Variants in AFF3 observed in about 807,000 individuals in gnomAD.
AFF3 encodes ALF transcription elongation factor 3, also known as AF4/FMR2 family member 3.
A neutral mutation model predicts 129.7 loss-of-function variants in AFF3; 32 were observed. The observed-to-expected ratio is 0.25, with a 90% CI of 0.19 to 0.33. The LOEUF (loss-of-function observed/expected upper bound fraction) is 0.33, where lower values mean the gene tolerates loss of function less well. AFF3 is among the 10% of genes least tolerant of loss of function. The probability of loss-of-function intolerance (pLI) is 1.00; values close to 1 mark genes in which losing one functional copy is unlikely to be tolerated. For missense variants in AFF3, 1,373 were observed against 1,592.0 expected (o/e 0.86, Z 2.34); for synonymous variants, 644 against 635.4 (o/e 1.01, Z -0.20).
chr2:99,986,065 G>A (rs1433530637), intron 7 of AFF3, among the ~76,000 whole-genome samples: 1 of 151,804 alleles, frequency 6.6e-6, no homozygotes, highest in Non-Finnish European at 1.5e-5. Flanking sequence ...GTCAGGCGTG[G>A]TGGTGGGTGC....
intron 4 of AFF3, among the ~76,000 whole-genome samples, chr2:100,019,886 C>G (rs919240680): frequency 6.6e-6 from 1 of 152,166 alleles, no homozygotes; most frequent in Admixed American, 6.5e-5. Context: ...AGGCCTATCC[C>G]CCCAACCCCA....
At chr2:99,630,871 G>A (rs1389814703) in intron 13 of AFF3, 1 of 268,546 alleles carries the variant, frequency 3.7e-6, no homozygotes, top group Non-Finnish European at 8.2e-6. Context: ...GATTTGGGTG[G>A]TGACACAGAG....
In AFF3 at chr2:99,587,235, C is replaced by G; in HGVS notation, c.2510G>C (p.Gly837Ala). 1 of 1,614,172 alleles carries G rather than the reference C, an allele frequency of 6.2e-7. No homozygotes were observed. Among genetic ancestry groups the G allele is most frequent in the Non-Finnish European group, 8.5e-7 (1 of 1,180,020 alleles). The change falls in exon 16 of 25, where the codon GGA (glycine) becomes GCA (alanine). Residue 837 changes from glycine (G) to alanine (A), a missense_variant. Transcript: ENST00000672756. ...DDYREIKKSQ[G>A]EKDSSSRLAT... ...CAGTCTTGAAGAGCTGTCTTTCTCTCCCTGGGACTTCTTGATCTCCCTGTA... is the reference window on the plus strand; with the variant it reads ...CAGTCTTGAAGAGCTGTCTTTCTCTGCCTGGGACTTCTTGATCTCCCTGTA...
At chr2:99,616,254 GC>G (rs1201590685) in intron 13 of AFF3, among the ~76,000 whole-genome samples, 1 of 151,986 alleles carries the variant, frequency 6.6e-6, no homozygotes, top group Non-Finnish European at 1.5e-5. Context: ...GTTCGAGGAG[GC>G]CTTTTGGATA....
chr2:99,758,175 C>T (rs56753682), intron 8 of AFF3, among the ~76,000 whole-genome samples: 12,236 of 152,232 alleles, frequency 0.08, 1,640 homozygotes, highest in African/African-American at 0.28. Context: ...TATCTTTAAC[C>T]TGAAGTACTC....
At chr2:99,886,167 C>T (rs1693098153) in intron 7 of AFF3, among the ~76,000 whole-genome samples, 1 of 152,190 alleles carries the variant, frequency 6.6e-6, no homozygotes, top group African/African-American at 2.4e-5. Flanking sequence ...TAACACTGAT[C>T]ACATTTTGTC....
intron 9 of AFF3, among the ~76,000 whole-genome samples, chr2:99,747,247 C>T (rs571070866): frequency 6.6e-6 from 1 of 152,234 alleles, no homozygotes. Flanking sequence ...CCAGGCTGGT[C>T]TCAAACTCCT....
intron 1 of AFF3, among the ~76,000 whole-genome samples, chr2:100,130,123 C>G (rs755155305): frequency 1.1e-4 from 17 of 152,206 alleles, no homozygotes; most frequent in Non-Finnish European, 2.1e-4. Flanking sequence ...TGTCAGTTGA[C>G]AGCGTGTGGC....
intron 2 of AFF3, chr2:100,107,306 A>T (rs2105515431): frequency 1.0e-6 from 1 of 985,368 alleles, no homozygotes; most frequent in East Asian, 1.1e-4. Context: ...TATCTGGTTT[A>T]TGAAGATGTT....
At chr2:99,605,480 T>G (rs1270160863) in intron 13 of AFF3, among the ~76,000 whole-genome samples, 2 of 152,172 alleles carry the variant, frequency 1.3e-5, no homozygotes, top group Non-Finnish European at 2.9e-5. Context: ...AGGCAACTCC[T>G]CTAACCCATC....
At chr2:99,680,067 GTT>G (rs1452867637) in intron 11 of AFF3, among the ~76,000 whole-genome samples, 1 of 152,210 alleles carries the variant, frequency 6.6e-6, no homozygotes, top group Non-Finnish European at 1.5e-5. Flanking sequence ...GCCACACACG[GTT>G]TGTGTGATTG....
At chr2:99,692,003 C>T (rs944274446) in intron 11 of AFF3, among the ~76,000 whole-genome samples, 5 of 152,226 alleles carry the variant, frequency 3.3e-5, no homozygotes, top group African/African-American at 7.2e-5. Flanking sequence ...ATGTACATTT[C>T]TGAACAGCCT....
At chr2:99,961,799 A>G (rs964654994) in intron 7 of AFF3, among the ~76,000 whole-genome samples, 1 of 152,020 alleles carries the variant, frequency 6.6e-6, no homozygotes, top group Non-Finnish European at 1.5e-5. Context: ...GCCTATATAC[A>G]GCAACAGAAG....
At chr2:99,778,354 T>C (rs1684109873) in intron 8 of AFF3, among the ~76,000 whole-genome samples, 1 of 152,190 alleles carries the variant, frequency 6.6e-6, no homozygotes, top group African/African-American at 2.4e-5. Context: ...GTACAATTGA[T>C]ACAAGGAAGG....
At chr2:99,793,416 A>G (rs954375328) in intron 8 of AFF3, among the ~76,000 whole-genome samples, 30 of 152,220 alleles carry the variant, frequency 2.0e-4, no homozygotes, top group African/African-American at 6.3e-4. Flanking sequence ...AAAACAGACT[A>G]ACACACATGG....
rs557197525 is a variant in AFF3, at chr2:99,909,296, A to T, written c.874-71772T>A. Among the ~76,000 whole-genome samples, 196 of 144,362 alleles carry T rather than the reference A, an allele frequency of 1.4e-3. 1 individual carries two copies. Among genetic ancestry groups the T allele is most frequent in the Non-Finnish European group, 2.7e-3 (175 of 65,790 alleles). 94.7% of individuals were successfully genotyped at this position (144,362 alleles called of 152,430 possible). A position where few individuals can be genotyped will look rare whatever the true frequency, so the allele number is the denominator to read the frequency against. ...GGTGGGAATTGAACAAAGAGAACACATGGACACAGGAAGGGGAACATCACA... is the reference window on the plus strand; with the variant it reads ...GGTGGGAATTGAACAAAGAGAACACTTGGACACAGGAAGGGGAACATCACA... On this transcript the variant is annotated intron_variant, in intron 7 of 24. Transcript: ENST00000672756.
intron 8 of AFF3, among the ~76,000 whole-genome samples, chr2:99,761,847 C>T (rs566167081): frequency 2.0e-5 from 3 of 152,196 alleles, no homozygotes; most frequent in Admixed American, 6.5e-5. Context: ...CCAGTGACCC[C>T]GGTCCAATTG....
At chr2:99,934,737 A>G (rs1576379318) in intron 7 of AFF3, among the ~76,000 whole-genome samples, 1 of 152,188 alleles carries the variant, frequency 6.6e-6, no homozygotes, top group Non-Finnish European at 1.5e-5. Flanking sequence ...CCTGGGCAGG[A>G]GGACCGTCTT....
intron 8 of AFF3, among the ~76,000 whole-genome samples, chr2:99,832,418 C>T (rs1688574373): frequency 6.6e-6 from 1 of 152,210 alleles, no homozygotes; most frequent in Admixed American, 6.5e-5. Flanking sequence ...TGTCCCACCT[C>T]TGCTAGAAAA....
Sources: gnomAD v4.1 joint callset for allele counts (sites outside exome capture counted in the v4.1 genomes callset) on GRCh38, gnomAD v4.1.1 for gene constraint, MANE v1.5 for transcripts, NCBI Gene and HGNC (gene_info 2026-07-23, HGNC 2026-07-21) for gene names.